Variants in ZNF268 observed in about 807,000 individuals in gnomAD.
The protein encoded by ZNF268 is zinc finger protein 3.
In ZNF268, 20 loss-of-function variants were observed where a neutral mutation model predicts 29.3. The ratio of observed to expected loss-of-function variants is 0.68; its 90% CI spans 0.48 to 0.99. ZNF268 has a LOEUF of 0.99. Among genes scored for constraint, ZNF268 ranks in the 50% least tolerant of loss-of-function variants. ZNF268 has a pLI of 0.00. For synonymous variants in ZNF268, 429 were observed against 376.9 expected (o/e 1.14, Z -1.60); for missense variants, 1,240 against 1,121.6 (o/e 1.11, Z -1.51).
intron 5 of ZNF268, among the ~76,000 whole-genome samples, chr12:133,197,751 C>G (rs1956646855): frequency 6.6e-6 from 1 of 152,154 alleles, no homozygotes; most frequent in African/African-American, 2.4e-5. Flanking sequence ...GAGATGGTAT[C>G]TCATTGTGGT....
intron 2 of ZNF268, among the ~76,000 whole-genome samples, chr12:133,182,318 T>C (rs910429133): frequency 3.3e-5 from 5 of 152,376 alleles, no homozygotes; most frequent in African/African-American, 1.2e-4. Flanking sequence ...CTTTATTTAC[T>C]GAGGGCCTTC....
chr12:133,182,126 CTCACCCCACCGCTCTT>C lies in ZNF268; in HGVS notation c.33+98_33+113del, dbSNP rs1956192012. ...CCAGTCTGAATTTGCCAGGAGCTTT[CTCACCCCACCGCTCTT>C]TTAGGCAACTGGATCGTCATTTATA... is the stretch of plus-strand genomic sequence containing the variant. On this transcript the variant is annotated intron_variant, in intron 2 of 5. Coordinates refer to ENST00000536435, the MANE Select transcript of ZNF268 (RefSeq NM_003415.3). The C allele has an allele frequency of 2.4e-6, 3 of 1,238,192 alleles. No individual in the cohort carries two copies. The Admixed American group carries it at 6.7e-5, about 28-fold the overall frequency. The allele number at this position is 1,238,192 out of a possible 1,614,324, so 76.7% of individuals were successfully genotyped here. A position where few individuals can be genotyped will look rare whatever the true frequency, so the allele number is the denominator to read the frequency against.
intron 5 of ZNF268, among the ~76,000 whole-genome samples, chr12:133,196,300 G>A (rs898456602): frequency 8.6e-5 from 12 of 140,092 alleles, no homozygotes; most frequent in East Asian, 2.1e-4. Context: ...CCAGCCTGGC[G>A]ACAGAGTGAG....
rs190690668 is a variant in ZNF268, at chr12:133,207,926, C to T, written c.*3396C>T. On this transcript the variant is annotated 3_prime_UTR_variant, in exon 6 of 6. Transcript: ENST00000536435. ...TGATAAATCACTTGATGGAATTTAA[C>T]ACCCATAGATGACACTAAAATACTA... 4.2e-4 allele frequency: 64 copies of T among 152,264 alleles called. No homozygotes were observed. Among genetic ancestry groups the T allele is most frequent in the Admixed American group, 4.1e-3 (62 of 15,292 alleles). 9.4% of individuals were successfully genotyped at this position (152,264 alleles called of 1,614,324 possible).
intron 2 of ZNF268, among the ~76,000 whole-genome samples, chr12:133,183,493 C>G (rs140142354): frequency 6.7e-6 from 1 of 148,758 alleles, no homozygotes; most frequent in African/African-American, 2.5e-5. Context: ...GAGCAAGACT[C>G]TGTCTCAAAA....
rs1050223458 is a variant in ZNF268, at chr12:133,205,519, A to G, written c.*989A>G. On this transcript the variant is annotated 3_prime_UTR_variant, in exon 6 of 6. Coordinates refer to ENST00000536435, the MANE Select transcript of ZNF268 (RefSeq NM_003415.3). ...CTCTGATACTGACAATATCTCTGAT[A>G]TGACAATATCATCTTCCAGAGATTT... 2.6e-5 allele frequency: 4 copies of G among 152,162 alleles called. No homozygotes were observed. Among genetic ancestry groups the G allele is most frequent in the African/African-American group, 9.7e-5 (4 of 41,426 alleles). The allele number at this position is 152,162 out of a possible 1,614,324, so 9.4% of individuals were successfully genotyped here.
At position 133,214,609 on chromosome 12, in the gene ZNF268, A is replaced by G. The variant is rs377509091; in HGVS notation, c.*10079A>G. ...AAATACCCAGAATGGGTAAATCCAA[A>G]GAGAGCATATTGGTGGTTGTCAAGG... On this transcript the variant is annotated 3_prime_UTR_variant, in exon 6 of 6. Coordinates refer to ENST00000536435, the MANE Select transcript of ZNF268 (RefSeq NM_003415.3). The G allele has an allele frequency of 5.3e-5, 8 of 152,336 alleles. No homozygotes were observed. The highest frequency in any genetic ancestry group is 4.6e-4 in the Admixed American group (7 of 15,306). The allele number at this position is 152,336 out of a possible 1,614,324, so 9.4% of individuals were successfully genotyped here. A position where few individuals can be genotyped will look rare whatever the true frequency, so the allele number is the denominator to read the frequency against.
In ZNF268 at chr12:133,212,518, T is replaced by A. The variant is rs374941787; in HGVS notation, c.*7988T>A. ...ATATATGTATATATACACACACACATACACACATATATACACATATATATA... is the reference window on the plus strand; with the variant it reads ...ATATATGTATATATACACACACACAAACACACATATATACACATATATATA... On this transcript the variant is annotated 3_prime_UTR_variant, in exon 6 of 6. Coordinates refer to ENST00000536435, the MANE Select transcript of ZNF268 (RefSeq NM_003415.3). The A allele has an allele frequency of 7.2e-6, 1 of 138,160 alleles. No homozygotes were observed. Among genetic ancestry groups the A allele is most frequent in the African/African-American group, 2.8e-5 (1 of 36,078 alleles). 8.6% of individuals were successfully genotyped at this position (138,160 alleles called of 1,614,324 possible).
intron 4 of ZNF268, 53 bp from the exon 5 acceptor site, chr12:133,191,855 C>T: frequency 6.3e-7 from 1 of 1,584,608 alleles, no homozygotes; most frequent in Non-Finnish European, 8.7e-7. Flanking sequence ...TCTTCAGAAT[C>T]TCTGAATCTC....
chr12:133,195,567 C>T (rs1017792461), intron 5 of ZNF268, among the ~76,000 whole-genome samples: 1 of 152,006 alleles, frequency 6.6e-6, no homozygotes, highest in African/African-American at 2.4e-5. Flanking sequence ...ATTAGGTGGT[C>T]ATGATGACTG....
At position 133,202,649 on chromosome 12, in the gene ZNF268, A is replaced by G; in HGVS notation, c.963A>G (p.Val321=). 6.2e-7 allele frequency: 1 copy of G among 1,605,842 alleles called. No homozygotes were observed. Among genetic ancestry groups the G allele is most frequent in the Non-Finnish European group, 8.5e-7 (1 of 1,175,662 alleles). ...TCAGTAGTAAATCATACCTCATTGT[A>G]CATCAGAGAATTCATACAGGAGAGA... ...KDFSSKSYLI[V]HQRIHTGEKL... is the part of the protein sequence containing the mutation. The change falls in exon 6 of 6, where the codon GTA becomes GTG. Residue 321 remains valine (V), a synonymous_variant. Transcript: ENST00000536435.
rs534706695 is a variant in ZNF268, at chr12:133,199,649, G to A, written c.458-2495G>A. Among the ~76,000 whole-genome samples, 17 of 152,172 alleles carry A rather than the reference G, an allele frequency of 1.1e-4. No individual in the cohort carries two copies. In the East Asian group the frequency reaches 3.1e-3, roughly 28 times the overall value. ...CTTGTACCTCTGGTAGAATTTGGCT[G>A]TGAATCCATCTGGTCCTGGACTCTT... On this transcript the variant is annotated intron_variant, in intron 5 of 5. Coordinates refer to ENST00000536435, the MANE Select transcript of ZNF268 (RefSeq NM_003415.3).
At chr12:133,197,134 C>T (rs1197043667) in intron 5 of ZNF268, among the ~76,000 whole-genome samples, 2 of 150,136 alleles carry the variant, frequency 1.3e-5, no homozygotes, top group Non-Finnish European at 3.0e-5. Context: ...TGTGCTGCAC[C>T]CACTAATTCG....
At chr12:133,198,343 G>A (rs1338830154) in intron 5 of ZNF268, among the ~76,000 whole-genome samples, 1 of 150,492 alleles carries the variant, frequency 6.6e-6, no homozygotes, top group African/African-American at 2.5e-5. Context: ...TCAGATAGTT[G>A]TAGATATGCG....
chr12:133,181,676 A>G lies in ZNF268; in HGVS notation c.-63A>G. 1 of 355,282 alleles carries G rather than the reference A, an allele frequency of 2.8e-6. No homozygotes were observed. Among genetic ancestry groups the G allele is most frequent in the East Asian group, 4.7e-5 (1 of 21,090 alleles). 22.0% of individuals were successfully genotyped at this position (355,282 alleles called of 1,614,324 possible). A position where few individuals can be genotyped will look rare whatever the true frequency, so the allele number is the denominator to read the frequency against. ...ATTCTGCTGCCCCTTCAGGGTTTGGAGGAGCCGGAGGTGCGGAATTCCTCC... is the reference window on the plus strand; with the variant it reads ...ATTCTGCTGCCCCTTCAGGGTTTGGGGGAGCCGGAGGTGCGGAATTCCTCC... On this transcript the variant is annotated 5_prime_UTR_variant, in exon 1 of 6. Coordinates refer to ENST00000536435, the MANE Select transcript of ZNF268 (RefSeq NM_003415.3).
chr12:133,190,645 T>A (rs1489897314), intron 3 of ZNF268, among the ~76,000 whole-genome samples: 1 of 152,214 alleles, frequency 6.6e-6, no homozygotes, highest in African/African-American at 2.4e-5. Flanking sequence ...AGCAGTTACC[T>A]TTTTAGTCCA....
Position 133,212,483 on chromosome 12 carries a change from ATATATATATATATATG to A in ZNF268, c.*7962_*7977del, listed in dbSNP as rs1256317531. On this transcript the variant is annotated 3_prime_UTR_variant, in exon 6 of 6. Transcript: ENST00000536435. ...TATATATATATATATATATATATATATATATATATATATATGTATATATACACACACACATACACAC... is the reference window on the plus strand; with the variant it reads ...TATATATATATATATATATATATATATATATATACACACACACATACACAC... 238 of 19,866 alleles carry A rather than the reference ATATATATATATATATG, an allele frequency of 0.012. 7 individuals carry two copies. The highest frequency in any genetic ancestry group is 0.054 in the African/African-American group (171 of 3,142). 1.2% of individuals were successfully genotyped at this position (19,866 alleles called of 1,614,324 possible). A position where few individuals can be genotyped will look rare whatever the true frequency, so the allele number is the denominator to read the frequency against.
intron 2 of ZNF268, chr12:133,184,794 C>G (rs1281060886): frequency 4.9e-6 from 2 of 408,848 alleles, no homozygotes; most frequent in Non-Finnish European, 1.0e-5. Context: ...TTGGCCCCAC[C>G]TCTTAATACC....
chr12:133,187,608 G>C (rs1033730925), intron 2 of ZNF268, among the ~76,000 whole-genome samples: 7 of 152,142 alleles, frequency 4.6e-5, no homozygotes, highest in Non-Finnish European at 8.8e-5. Context: ...AGGCTAGGAT[G>C]AGCCAGGACA....
Sources: allele counts gnomAD v4.1 joint callset (sites outside exome capture counted in the v4.1 genomes callset), GRCh38; gene constraint gnomAD v4.1.1; transcripts MANE v1.5; gene names NCBI Gene and HGNC (gene_info 2026-07-23, HGNC 2026-07-21).